Variants in SYNM observed in about 807,000 individuals in gnomAD.
SYNM encodes synemin.
A neutral mutation model predicts 104.0 loss-of-function variants in SYNM; 95 were observed. The ratio of observed to expected loss-of-function variants is 0.91; its 90% CI spans 0.77 to 1.08. SYNM has a LOEUF of 1.08. SYNM is among the 50% of genes least tolerant of loss of function. SYNM has a pLI of 0.00. For synonymous variants in SYNM, 918 were observed against 869.0 expected, an observed-to-expected ratio of 1.06 and a Z score of -0.99; for missense variants, 2,150 against 2,052.2, an observed-to-expected ratio of 1.05 and a Z score of -0.92.
At chr15:99,129,284 G>A in intron 3 of SYNM, 83 bp from the exon 4 acceptor site, 1 of 1,536,818 alleles carries the variant, frequency 6.5e-7, no homozygotes, top group Non-Finnish European at 8.8e-7. Context: ...GATGGAATGG[G>A]ATTTGGCCTG....
At chr15:99,114,272 G>A (rs1296365784) in intron 2 of SYNM, among the ~76,000 whole-genome samples, 1 of 151,412 alleles carries the variant, frequency 6.6e-6, no homozygotes, top group Non-Finnish European at 1.5e-5. Flanking sequence ...GGTGGCAGGA[G>A]AGAGAGAGAG....
intron 1 of SYNM, among the ~76,000 whole-genome samples, chr15:99,106,872 G>A (rs1197556560): frequency 1.3e-5 from 2 of 152,212 alleles, no homozygotes; most frequent in Admixed American, 1.3e-4. Context: ...AAGGACAGAT[G>A]GAAATAACAT....
At position 99,105,669 on chromosome 15, in the gene SYNM, C is replaced by A. The variant is rs1555482527; in HGVS notation, c.470C>A (p.Ala157Glu). 1.4e-6 allele frequency: 2 copies of A among 1,421,520 alleles called. No homozygotes were observed. The highest frequency in any genetic ancestry group is 9.1e-7 in the Non-Finnish European group (1 of 1,095,806). 88.1% of individuals were successfully genotyped at this position (1,421,520 alleles called of 1,614,324 possible). ...GAACGCGACGTGAGGGAGCTGCGCG[C>A]GCGCGCCGCCAGCCTTACCATGCAT... ...AHERDVRELR[A>E]RAASLTMHFR... Residue 157 changes from alanine (A) to glutamate (E), a missense_variant, in exon 1 of 4, where the codon GCG becomes GAG. Ala to Glu is a moderately radical substitution (Grantham distance 107). Transcript: ENST00000336292.
intron 1 of SYNM, among the ~76,000 whole-genome samples, chr15:99,109,286 C>T (rs1337628455): frequency 1.3e-5 from 2 of 152,190 alleles, no homozygotes; most frequent in Non-Finnish European, 2.9e-5. Flanking sequence ...CACTTGAAGC[C>T]TGAGTGACAC....
At position 99,105,282 on chromosome 15, in the gene SYNM, G is replaced by A; in HGVS notation, c.83G>A (p.Arg28Gln). 1 of 1,556,302 alleles carries A rather than the reference G, an allele frequency of 6.4e-7. No homozygotes were observed. The part of the protein sequence containing the change: ...LNARLYDYVC[R>Q]VRELERENLL... ...GCCCGGCTCTATGACTACGTGTGTCGGGTGCGGGAGCTGGAGCGCGAAAAC... is the reference window on the plus strand; with the variant it reads ...GCCCGGCTCTATGACTACGTGTGTCAGGTGCGGGAGCTGGAGCGCGAAAAC... Residue 28 changes from arginine to glutamine, a missense_variant, in exon 1 of 4, where the codon CGG (arginine) becomes CAG (glutamine). Arg to Gln is a conservative substitution (Grantham distance 43). Coordinates refer to ENST00000336292, the MANE Select transcript of SYNM (RefSeq NM_145728.3).
Position 99,106,091 on chromosome 15 carries a change from G to A in SYNM, c.810+82G>A, listed in dbSNP as rs1278241617. On this transcript the variant is annotated intron_variant, in intron 1 of 3. Transcript: ENST00000336292. Reference sequence around the variant, plus strand: ...CTGCCCTTGACGGCGTGGGGCAGCGGCCCCTTCACCAGGGGCGCGGCGTCG... The same window carrying A: ...CTGCCCTTGACGGCGTGGGGCAGCGACCCCTTCACCAGGGGCGCGGCGTCG... 5.3e-6 allele frequency: 7 copies of A among 1,320,474 alleles called. No individual in the cohort carries two copies. The African/African-American group carries it at 6.2e-5, about 12-fold the overall frequency. The allele number at this position is 1,320,474 out of a possible 1,614,324, so 81.8% of individuals were successfully genotyped here.
At chr15:99,129,267 T>A (rs1555485348) in intron 3 of SYNM, 100 bp from the exon 4 acceptor site, 1 of 1,477,168 alleles carries the variant, frequency 6.8e-7, no homozygotes, top group African/African-American at 1.4e-5. Flanking sequence ...CAGTGTATAT[T>A]TATTATGATG....
chr15:99,129,123 T>A, intron 3 of SYNM: 1 of 526,200 alleles, frequency 1.9e-6, no homozygotes, highest in Non-Finnish European at 3.3e-6. Flanking sequence ...TATTTTAATA[T>A]CAGTAACTGG....
rs368523854 is a variant in SYNM, at chr15:99,105,155, C to CA, written c.-44dup. ...GGACGAGACCGGGACAAGACCAGGG[C>CA]AGGAGGGAGCCGGCCAGCCGCGAGA... On this transcript the variant is annotated 5_prime_UTR_variant, in exon 1 of 4. Coordinates refer to ENST00000336292, the MANE Select transcript of SYNM (RefSeq NM_145728.3). 300 of 1,549,812 alleles carry CA rather than the reference C, an allele frequency of 1.9e-4. 3 individuals carry two copies. The East Asian group carries it at 6.9e-3, about 36-fold the overall frequency.
chr15:99,112,741 C>T (rs1462122777), intron 1 of SYNM, among the ~76,000 whole-genome samples: 9 of 152,168 alleles, frequency 5.9e-5, no homozygotes, highest in South Asian at 2.1e-4. Context: ...GGTGGAGTCT[C>T]GCTCTGTCGC....
intron 2 of SYNM, among the ~76,000 whole-genome samples, chr15:99,125,230 C>G (rs562434601): frequency 6.6e-6 from 1 of 152,350 alleles, no homozygotes; most frequent in South Asian, 2.1e-4. Flanking sequence ...GACGCCACCC[C>G]TTCTGCTGCC....
Position 99,130,800 on chromosome 15 carries a change from C to CA in SYNM, c.2441dup (p.His814GlnfsTer10), listed in dbSNP as rs781831876. On this transcript the variant is annotated frameshift_variant, in exon 4 of 4. Transcript: ENST00000336292. LOFTEE classifies it high-confidence loss of function. ...CAAGCAGCCTCAGGAGAACACGACT[C>CA]ACGTGGAAGAAGTGACAGAGGCAGG... The CA allele has an allele frequency of 5.8e-5, 94 of 1,613,954 alleles. No individual in the cohort carries two copies. In the Admixed American group the frequency reaches 1.2e-3, roughly 21 times the overall value.
At position 99,133,855 on chromosome 15, in the gene SYNM, A is replaced by C. The variant is rs2067537684; in HGVS notation, c.*797A>C. On this transcript the variant is annotated 3_prime_UTR_variant, in exon 4 of 4. Coordinates refer to ENST00000336292, the MANE Select transcript of SYNM (RefSeq NM_145728.3). ...CTGAATGCCCTTTTCTGGAGTGGCCAGTTCCTATCAGACTGTGCAGACTTG... is the reference window on the plus strand; with the variant it reads ...CTGAATGCCCTTTTCTGGAGTGGCCCGTTCCTATCAGACTGTGCAGACTTG... 9.1e-6 allele frequency: 1 copy of C among 109,338 alleles called. No individual in the cohort carries two copies. The highest frequency in any genetic ancestry group is 2.6e-4 in the South Asian group (1 of 3,848). The allele number at this position is 109,338 out of a possible 1,614,324, so 6.8% of individuals were successfully genotyped here.
Position 99,105,225 on chromosome 15 carries a change from G to A in SYNM, c.26G>A (p.Gly9Asp). 1.3e-6 allele frequency: 2 copies of A among 1,574,534 alleles called. No homozygotes were observed. Among genetic ancestry groups the A allele is most frequent in the Non-Finnish European group, 1.7e-6 (2 of 1,161,728 alleles). ...ATGCTGTCCTGGCGGCTGCAGACGG[G>A]CCCCGAGAAGGCCGAGCTCCAGGAG... MLSWRLQT[G>D]PEKAELQELN... The change falls in exon 1 of 4, where the codon GGC (glycine) becomes GAC (aspartate). Residue 9 changes from glycine to aspartate, a missense_variant. Transcript: ENST00000336292.
At position 99,106,026 on chromosome 15, in the gene SYNM, G is replaced by A. The variant is rs1327311518; in HGVS notation, c.810+17G>A. On this transcript the variant is annotated intron_variant, in intron 1 of 3. Transcript: ENST00000336292. Reference sequence around the variant, plus strand: ...GAGCGGCAGGTCCGTGCGCGGGGATGGCGCGCTGACCCCATACCCGCTGCC... The same window carrying A: ...GAGCGGCAGGTCCGTGCGCGGGGATAGCGCGCTGACCCCATACCCGCTGCC... The A allele has an allele frequency of 2.8e-6, 4 of 1,436,228 alleles. No homozygotes were observed. In the East Asian group the frequency reaches 1.1e-4, roughly 39 times the overall value. 89.0% of individuals were successfully genotyped at this position (1,436,228 alleles called of 1,614,324 possible). A position where few individuals can be genotyped will look rare whatever the true frequency, so the allele number is the denominator to read the frequency against.
At chr15:99,112,800 T>A (rs750698874) in intron 1 of SYNM, among the ~76,000 whole-genome samples, 4 of 152,238 alleles carry the variant, frequency 2.6e-5, no homozygotes, top group Non-Finnish European at 5.9e-5. Flanking sequence ...AACCTCCGCC[T>A]ACTGAGTTCA....
rs140039713 is a variant in SYNM at position 99,105,996 on chromosome 15, C to A, written c.797C>A (p.Ala266Asp). ...ATGCGCGAGGAGTACGGGATACAGG[C>A]CGAGGAGCGGCAGGTCCGTGCGCGG... is the stretch of plus-strand genomic sequence containing the variant. ...LRMREEYGIQ[A>D]EERQRVIDCL... Residue 266 changes from alanine to aspartate, a missense_variant, in exon 1 of 4, where the codon GCC (alanine) becomes GAC (aspartate). Physicochemically the swap from Ala to Asp is moderately radical, Grantham distance 126. Coordinates refer to ENST00000336292, the MANE Select transcript of SYNM (RefSeq NM_145728.3). 1.4e-6 allele frequency: 2 copies of A among 1,476,378 alleles called. No homozygotes were observed. The highest frequency in any genetic ancestry group is 2.6e-5 in the East Asian group (1 of 37,988). The allele number at this position is 1,476,378 out of a possible 1,614,324, so 91.5% of individuals were successfully genotyped here. A position where few individuals can be genotyped will look rare whatever the true frequency, so the allele number is the denominator to read the frequency against.
At chr15:99,106,346 G>A (rs965504581) in intron 1 of SYNM, among the ~76,000 whole-genome samples, 2 of 152,200 alleles carry the variant, frequency 1.3e-5, no homozygotes, top group African/African-American at 4.8e-5. Context: ...TCCGTGCTCC[G>A]TAGACTCAGT....
Position 99,105,406 on chromosome 15 carries a change from G to T in SYNM, c.207G>T (p.Gln69His). ...RCAEEARSLRQQLDELSWATA... is the reference protein window; with the variant it reads ...RCAEEARSLRHQLDELSWATA... ...CCGAGGAGGCGCGCAGCTTGCGGCA[G>T]CAGCTGGACGAGCTGAGCTGGGCCA... Residue 69 changes from glutamine (Q) to histidine (H), a missense_variant, in exon 1 of 4, where the codon CAG becomes CAT. Coordinates refer to ENST00000336292, the MANE Select transcript of SYNM (RefSeq NM_145728.3). The T allele has an allele frequency of 6.6e-7, 1 of 1,508,616 alleles. No homozygotes were observed. The highest frequency in any genetic ancestry group is 8.8e-7 in the Non-Finnish European group (1 of 1,135,366). 93.5% of individuals were successfully genotyped at this position (1,508,616 alleles called of 1,614,324 possible). A position where few individuals can be genotyped will look rare whatever the true frequency, so the allele number is the denominator to read the frequency against.
Sources: allele counts gnomAD v4.1 joint callset (sites outside exome capture counted in the v4.1 genomes callset), GRCh38; gene constraint gnomAD v4.1.1; transcripts MANE v1.5; gene names NCBI Gene and HGNC (gene_info 2026-07-23, HGNC 2026-07-21).